Variants in ADGRB2 observed in about 807,000 individuals in gnomAD.
ADGRB2 encodes adhesion G protein-coupled receptor B2.
ADGRB2 carries 47 observed loss-of-function variants against 178.7 expected under a neutral mutation model. The observed-to-expected ratio is 0.26, with a 90% confidence interval of 0.21 to 0.34. The LOEUF (loss-of-function observed/expected upper bound fraction) is 0.34. ADGRB2 is among the 10% of genes least tolerant of loss of function. ADGRB2 has a pLI of 1.00. For missense variants in ADGRB2, 1,584 were observed against 2,180.8 expected, an observed-to-expected ratio of 0.73 and a Z score of 5.45; for synonymous variants, 870 against 912.4, an observed-to-expected ratio of 0.95 and a Z score of 0.84.
In ADGRB2 at chr1:31,757,259, G is replaced by A. The variant is rs755251501; in HGVS notation, c.-38C>T. The A allele has an allele frequency of 6.8e-6, 11 of 1,613,350 alleles. No homozygotes were observed. The African/African-American group carries it at 8.0e-5, about 12-fold the overall frequency. On this transcript the variant is annotated 5_prime_UTR_variant, in exon 3 of 33. Transcript: ENST00000373658. ...CCATCCCCGTGTGTCGTGATCAGCT[G>A]TGAGGCATGTCACCGCGTAATCCTG...
rs2148880838 is a variant in ADGRB2, at chr1:31,730,082, T to C, written c.4380+718A>G. On this transcript the variant is annotated intron_variant, in intron 29 of 32. Transcript: ENST00000373658. Reference sequence around the variant, plus strand: ...CATCCCCTTCATGACTCCAATAAAGTTGCAGAATGTTCTAGAGTTCCACAG... The same window carrying C: ...CATCCCCTTCATGACTCCAATAAAGCTGCAGAATGTTCTAGAGTTCCACAG... Among the ~76,000 whole-genome samples, 2 of 152,342 alleles carry C rather than the reference T, an allele frequency of 1.3e-5. 1 individual carries two copies. The highest frequency in any genetic ancestry group is 4.1e-4 in the South Asian group (2 of 4,830).
rs1395815833 is a variant in ADGRB2, at chr1:31,761,935, C to T, written c.-191+1949G>A. Among the ~76,000 whole-genome samples, 1 of 152,006 alleles carries T rather than the reference C, an allele frequency of 6.6e-6. No individual in the cohort carries two copies. The highest frequency in any genetic ancestry group is 1.5e-5 in the Non-Finnish European group (1 of 68,008). ...GCTATATGAGGCAGTGATCACTGAC[C>T]CATTTTATAGAGGGTCAACTGAGGC... On this transcript the variant is annotated intron_variant, in intron 1 of 32. Coordinates refer to ENST00000373658, the MANE Select transcript of ADGRB2 (RefSeq NM_001364857.2). This position sits in a 1 kb window ranked among gnomAD's most constrained non-coding sequence, Gnocchi z 4.2.
chr1:31,756,159 A>AGGGCAG lies in ADGRB2; in HGVS notation c.672_677dup (p.Cys225_Pro226dup), dbSNP rs1375413834. On this transcript the variant is annotated inframe_insertion, in exon 4 of 33. Transcript: ENST00000373658. The surrounding 1 kb of genome is among the most constrained non-coding windows in gnomAD (Gnocchi z 8.5). ...TGGTGGAGCCGGCCCCCGCCTCTCCAGGGCAGCTGCAGCCTGGCTGAGCAA... is the reference window on the plus strand; with the variant it reads ...TGGTGGAGCCGGCCCCCGCCTCTCCAGGGCAGGGGCAGCTGCAGCCTGGCTGAGCAA... The AGGGCAG allele has an allele frequency of 8.1e-6, 13 of 1,613,260 alleles. No homozygotes were observed. The highest frequency in any genetic ancestry group is 1.0e-5 in the Non-Finnish European group (12 of 1,179,876).
Position 31,759,615 on chromosome 1 carries a change from C to T in ADGRB2, c.-190-2104G>A, listed in dbSNP as rs191324249. ...ATTCTGGGATTTCGTCCTGGACATG[C>T]GTAACCCTCACTGTGCCGGCTATGA... On this transcript the variant is annotated intron_variant, in intron 1 of 32. Coordinates refer to ENST00000373658, the MANE Select transcript of ADGRB2 (RefSeq NM_001364857.2). The surrounding 1 kb of genome is among the most constrained non-coding windows in gnomAD (Gnocchi z 4.3). Among the ~76,000 whole-genome samples, 45 of 152,364 alleles carry T rather than the reference C, an allele frequency of 3.0e-4. No individual in the cohort carries two copies. In the East Asian group the frequency reaches 7.7e-3, roughly 26 times the overall value.
In ADGRB2 at chr1:31,761,271, T is replaced by A. The variant is rs939687073; in HGVS notation, c.-191+2613A>T. 6.6e-6 allele frequency among the ~76,000 whole-genome samples: 1 copy of A among 152,092 alleles called. No individual in the cohort carries two copies. Among genetic ancestry groups the A allele is most frequent in the Non-Finnish European group, 1.5e-5 (1 of 67,978 alleles). On this transcript the variant is annotated intron_variant, in intron 1 of 32. Coordinates refer to ENST00000373658, the MANE Select transcript of ADGRB2 (RefSeq NM_001364857.2). This position sits in a 1 kb window ranked among gnomAD's most constrained non-coding sequence, Gnocchi z 4.2. ...CGAGTCCCCTTCCTCCGTGCCACCT[T>A]CCCTGCCCCCAAGCTACTCAGGCCA...
chr1:31,762,523 G>A (rs988593083), intron 1 of ADGRB2, among the ~76,000 whole-genome samples: 1 of 152,186 alleles, frequency 6.6e-6, no homozygotes, highest in Non-Finnish European at 1.5e-5. Context: ...CCAACCAGGC[G>A]TCCTGGAGCC....
At position 31,741,590 on chromosome 1, in the gene ADGRB2, GTGGT is replaced by G; in HGVS notation, c.1687+30_1687+33del. 2 of 1,596,730 alleles carry G rather than the reference GTGGT, an allele frequency of 1.3e-6. No individual in the cohort carries two copies. On this transcript the variant is annotated intron_variant, in intron 10 of 32. Coordinates refer to ENST00000373658, the MANE Select transcript of ADGRB2 (RefSeq NM_001364857.2). The surrounding 1 kb of genome is among the most constrained non-coding windows in gnomAD (Gnocchi z 6.5). ...GAAGGGGGCAATGAGAATGGCAGGG[GTGGT>G]GGTGGTGGGGAAAGCCACCTGCCCC...
At position 31,739,535 on chromosome 1, in the gene ADGRB2, C is replaced by A; in HGVS notation, c.2268G>T (p.Glu756Asp). 1 of 1,613,116 alleles carries A rather than the reference C, an allele frequency of 6.2e-7. No individual in the cohort carries two copies. The highest frequency in any genetic ancestry group is 8.5e-7 in the Non-Finnish European group (1 of 1,179,960). The change falls in exon 15 of 33, where the codon GAG becomes GAT. Residue 756 changes from glutamate to aspartate, a missense_variant. Physicochemically the swap from Glu to Asp is conservative, Grantham distance 45. Transcript: ENST00000373658. Reference sequence around the variant, plus strand: ...CCTCCTTGGGCAGGAAGAGGCGGTCCTCTGAGTGCCGCACCCAGTCCTTCA... The same window carrying A: ...CCTCCTTGGGCAGGAAGAGGCGGTCATCTGAGTGCCGCACCCAGTCCTTCA... ...RGMKDWVRHSEDRLFLPKEVL... is the reference protein window; with the variant it reads ...RGMKDWVRHSDDRLFLPKEVL...
Position 31,742,180 on chromosome 1 carries a change from T to C in ADGRB2, c.1290A>G (p.Pro430=). ...TCCCATTGGCACAGGACGTGGAGCA[T>C]GGGCCCCAGGGACCCCATTCTAACC... The part of the protein sequence containing the change: ...GQWLEWGPWG[P]CSTSCANGTQ... Residue 430 remains proline, a synonymous_variant, in exon 8 of 33, where the codon CCA becomes CCG. Coordinates refer to ENST00000373658, the MANE Select transcript of ADGRB2 (RefSeq NM_001364857.2). 1.2e-6 allele frequency: 2 copies of C among 1,611,990 alleles called. No individual in the cohort carries two copies. The highest frequency in any genetic ancestry group is 1.3e-5 in the African/African-American group (1 of 75,008).
Position 31,740,895 on chromosome 1 carries a change from G to GCACACACACACACACACACACA in ADGRB2, c.1795-376_1795-355dup, listed in dbSNP as rs145689822. On this transcript the variant is annotated intron_variant, in intron 11 of 32. Transcript: ENST00000373658. The surrounding 1 kb of genome is among the most constrained non-coding windows in gnomAD (Gnocchi z 5.9). ...AATGAGCATGTGTGTGGGCGCGCGC[G>GCACACACACACACACACACACA]CACACACACACACACACACACACAC... is the stretch of plus-strand genomic sequence containing the variant. 1.4e-5 allele frequency among the ~76,000 whole-genome samples: 2 copies of GCACACACACACACACACACACA among 140,390 alleles called. No individual in the cohort carries two copies. Among genetic ancestry groups the GCACACACACACACACACACACA allele is most frequent in the Non-Finnish European group, 3.1e-5 (2 of 64,880 alleles). The allele number at this position is 140,390 out of a possible 152,430, so 92.1% of individuals were successfully genotyped here.
intron 1 of ADGRB2, among the ~76,000 whole-genome samples, chr1:31,762,675 ACG>A (rs1647076128): frequency 7.0e-6 from 1 of 143,630 alleles, no homozygotes; most frequent in Admixed American, 7.2e-5. Context: ...CATGGCTAGC[ACG>A]AGGAGGCACC....
chr1:31,756,412 C>A lies in ADGRB2; in HGVS notation c.425G>T (p.Cys142Phe). ...EAEAAAGLEL[C>F]SGSGPFTFLH... ...GAAGGTAAAGGGGCCTGAGCCGCTG[C>A]ACAGCTCCAACCCCGCTGCCGCCTC... The change falls in exon 4 of 33, where the codon TGC becomes TTC. Residue 142 changes from cysteine to phenylalanine, a missense_variant. Transcript: ENST00000373658. The surrounding 1 kb of genome is among the most constrained non-coding windows in gnomAD (Gnocchi z 8.5). The A allele has an allele frequency of 6.2e-7, 1 of 1,612,916 alleles. No individual in the cohort carries two copies. The highest frequency in any genetic ancestry group is 8.5e-7 in the Non-Finnish European group (1 of 1,179,880).
Position 31,738,589 on chromosome 1 carries a change from T to A in ADGRB2, c.2643A>T (p.Arg881Ser). 6.2e-7 allele frequency: 1 copy of A among 1,609,370 alleles called. No homozygotes were observed. Residue 881 changes from arginine to serine, a missense_variant and splice_region_variant, in exon 17 of 33, where the codon AGA becomes AGT. Physicochemically the swap from Arg to Ser is moderately radical, Grantham distance 110. Around this residue, in one of 3 missense-constraint regions of ADGRB2, gnomAD observed 865 missense variants for 1,192.8 expected, o/e 0.73. Coordinates refer to ENST00000373658, the MANE Select transcript of ADGRB2 (RefSeq NM_001364857.2). ...DPHCASWDYS[R>S]ADASSGDWDT... ...CCCAGAGGAGCCACCCAACTCACGC[T>A]CTGGAGTAGTCCCAGCTGGCGCAAT...
intron 14 of ADGRB2, 103 bp from the exon 15 acceptor site, chr1:31,739,738 G>T (rs552508170): frequency 5.8e-6 from 8 of 1,368,892 alleles, no homozygotes; most frequent in Non-Finnish European, 8.0e-6. Flanking sequence ...ACCAGGAAAG[G>T]TAGATGTGGA....
intron 18 of ADGRB2, 78 bp downstream of exon 18, chr1:31,738,122 G>C: frequency 1.3e-6 from 2 of 1,575,734 alleles, no homozygotes; most frequent in Non-Finnish European, 8.6e-7. Context: ...CCAGGCGCCT[G>C]CCAACACCAT....
Position 31,739,413 on chromosome 1 carries a change from C to T in ADGRB2, c.2390G>A (p.Gly797Asp). 6.4e-7 allele frequency: 1 copy of T among 1,564,068 alleles called. No individual in the cohort carries two copies. The highest frequency in any genetic ancestry group is 8.7e-7 in the Non-Finnish European group (1 of 1,155,334). ...RGPGTVPPGP[G>D]HSHQRLLPAD... ...TGGGAGGAGGCGCTGGTGGGAGTGG[C>T]CTGGGCCAGGAGGCACCGTTCCTGG... is the stretch of plus-strand genomic sequence containing the variant. The change falls in exon 15 of 33, where the codon GGC becomes GAC. Residue 797 changes from glycine to aspartate, a missense_variant. Gly to Asp is a moderately conservative substitution (Grantham distance 94). Around this residue, in one of 3 missense-constraint regions of ADGRB2, gnomAD observed 865 missense variants for 1,192.8 expected, o/e 0.73. Transcript: ENST00000373658.
chr1:31,744,258 T>C lies in ADGRB2; in HGVS notation c.1022A>G (p.Tyr341Cys), dbSNP rs1403737176. 12 of 1,550,880 alleles carry C rather than the reference T, an allele frequency of 7.7e-6. No homozygotes were observed. The highest frequency in any genetic ancestry group is 2.4e-5 in the South Asian group (2 of 84,028). Residue 341 changes from tyrosine (Y) to cysteine (C), a missense_variant, in exon 6 of 33, where the codon TAT becomes TGT. Transcript: ENST00000373658. This position sits in a 1 kb window ranked among gnomAD's most constrained non-coding sequence, Gnocchi z 6.7. ...VRTRSCVSSPYGTLCSGPLRE... is the reference protein window; with the variant it reads ...VRTRSCVSSPCGTLCSGPLRE... The stretch of plus-strand genomic sequence containing the variant: ...CAGGGGCCCGCTGCACAGGGTCCCA[T>C]AGGGGGAGGACACACAGGAGCGGGT...
intron 4 of ADGRB2, among the ~76,000 whole-genome samples, chr1:31,751,376 G>A (rs1646561790): frequency 6.6e-6 from 1 of 152,226 alleles, no homozygotes; most frequent in Admixed American, 6.5e-5. Flanking sequence ...TCTGGTTTGT[G>A]CCTGTTGTCC....
At chr1:31,732,286 T>C (rs1645328467) in intron 27 of ADGRB2, 132 bp from the exon 28 acceptor site, 4 of 1,360,450 alleles carry the variant, frequency 2.9e-6, no homozygotes, top group Non-Finnish European at 4.1e-6. Flanking sequence ...CCATAGCCCA[T>C]GGCCCAGCAG....
Sources: gnomAD v4.1 joint callset for allele counts (sites outside exome capture counted in the v4.1 genomes callset) on GRCh38, gnomAD v4.1.1 for gene constraint, gnomAD v4.1.1 regional missense constraint, Gnocchi (gnomAD v3.1) non-coding constraint, MANE v1.5 for transcripts, NCBI Gene and HGNC (gene_info 2026-07-23, HGNC 2026-07-21) for gene names.